The following PHACTR1 variants were observed in gnomAD, a reference collection of about 807,000 sequenced individuals.
PHACTR1 encodes phosphatase and actin regulator 1.
A neutral mutation model predicts 69.2 loss-of-function variants in PHACTR1; 16 were observed. The observed-to-expected ratio is 0.23, with a 90% confidence interval of 0.16 to 0.35. The LOEUF (loss-of-function observed/expected upper bound fraction) is 0.35. Among genes scored for constraint, PHACTR1 ranks in the 10% least tolerant of loss-of-function variants. The pLI is 1.00. For missense variants in PHACTR1, 510 were observed against 734.7 expected (o/e 0.69, Z 3.54); for synonymous variants, 312 against 284.5 (o/e 1.10, Z -0.97).
intron 8 of PHACTR1, among the ~76,000 whole-genome samples, chr6:13,225,841 AT>A (rs1769558353): frequency 6.6e-6 from 1 of 152,170 alleles, no homozygotes; most frequent in Non-Finnish European, 1.5e-5. Context: ...ATGGAATTAC[AT>A]TTTTTGGCCT....
chr6:13,200,806 T>C (rs1417806525), intron 7 of PHACTR1, among the ~76,000 whole-genome samples: 1 of 151,400 alleles, frequency 6.6e-6, no homozygotes, highest in Non-Finnish European at 1.5e-5. Flanking sequence ...CCAGGCATCA[T>C]GGCGGACACC....
chr6:12,998,868 C>T (rs2127619269), intron 4 of PHACTR1, among the ~76,000 whole-genome samples: 1 of 152,066 alleles, frequency 6.6e-6, no homozygotes, highest in African/African-American at 2.4e-5. Context: ...AATTTGTAGA[C>T]ACAGAAACCT....
intron 4 of PHACTR1, among the ~76,000 whole-genome samples, chr6:12,959,790 T>G (rs1032616885): frequency 2.6e-5 from 4 of 152,244 alleles, no homozygotes; most frequent in African/African-American, 9.6e-5. Context: ...TTGAGTGCAT[T>G]GCCTTCCACT....
Position 13,236,622 on chromosome 6 carries a change from G to A in PHACTR1, c.1391+6429G>A, listed in dbSNP as rs80037011. The stretch of plus-strand genomic sequence containing the variant: ...ATGCTCTCCCTCTGTGTGTATCTCT[G>A]TGTTCAGATTTCCCCTTTCTATAAG... On this transcript the variant is annotated intron_variant, in intron 10 of 14. Transcript: ENST00000332995. Among the ~76,000 whole-genome samples the A allele has an allele frequency of 3.9e-5, 6 of 152,138 alleles. No homozygotes were observed. In the East Asian group the frequency reaches 1.2e-3, roughly 29 times the overall value.
chr6:13,162,562 A>G lies in PHACTR1; in HGVS notation c.496+2278A>G, dbSNP rs778234766. Among the ~76,000 whole-genome samples, 16 of 152,188 alleles carry G rather than the reference A, an allele frequency of 1.1e-4. 1 individual carries two copies. The highest frequency in any genetic ancestry group is 2.2e-4 in the Non-Finnish European group (15 of 68,034). On this transcript the variant is annotated intron_variant, in intron 6 of 14. Coordinates refer to ENST00000332995, the MANE Select transcript of PHACTR1 (RefSeq NM_030948.6). ...TAAGCACCCGAGTGCTTAAATAAATATTATTGTTACAGCCAAAACTTGTTC... is the reference window on the plus strand; with the variant it reads ...TAAGCACCCGAGTGCTTAAATAAATGTTATTGTTACAGCCAAAACTTGTTC...
intron 10 of PHACTR1, among the ~76,000 whole-genome samples, chr6:13,238,964 C>T (rs1772413822): frequency 6.6e-6 from 1 of 152,214 alleles, no homozygotes; most frequent in African/African-American, 2.4e-5. Context: ...AGAGGCCATG[C>T]TTGTAGGCCT....
chr6:12,965,113 A>G (rs1258692063), intron 4 of PHACTR1, among the ~76,000 whole-genome samples: 1 of 152,210 alleles, frequency 6.6e-6, no homozygotes, highest in African/African-American at 2.4e-5. Flanking sequence ...CTATGTAAAT[A>G]GTTGTTATAC....
intron 4 of PHACTR1, among the ~76,000 whole-genome samples, chr6:12,807,992 C>T (rs1401384966): frequency 1.3e-5 from 2 of 152,286 alleles, no homozygotes. Flanking sequence ...GATTTACAGT[C>T]AGTAAGTGTA....
intron 4 of PHACTR1, among the ~76,000 whole-genome samples, chr6:12,886,256 T>C (rs1035884906): frequency 6.8e-3 from 59 of 8,642 alleles, no homozygotes; most frequent in African/African-American, 0.013. Flanking sequence ...GTTGTTTGAT[T>C]GTTAAAAAAA....
rs1452030765 is a variant in PHACTR1 at position 13,287,189 on chromosome 6, C to CT, written c.*119dup. 90 of 1,083,694 alleles carry CT rather than the reference C, an allele frequency of 8.3e-5. No homozygotes were observed. The highest frequency in any genetic ancestry group is 1.1e-4 in the South Asian group (7 of 64,008). The allele number at this position is 1,083,694 out of a possible 1,614,324, so 67.1% of individuals were successfully genotyped here. A position where few individuals can be genotyped will look rare whatever the true frequency, so the allele number is the denominator to read the frequency against. ...TTACGATGTAAATCTTCTGAACTGCCTTTTTTTTAAAAAGAAGAAAAATCA... is the reference window on the plus strand; with the variant it reads ...TTACGATGTAAATCTTCTGAACTGCCTTTTTTTTTAAAAAGAAGAAAAATCA... On this transcript the variant is annotated 3_prime_UTR_variant, in exon 15 of 15. Coordinates refer to ENST00000332995, the MANE Select transcript of PHACTR1 (RefSeq NM_030948.6).
chr6:13,258,097 C>T (rs1190184708), intron 10 of PHACTR1, among the ~76,000 whole-genome samples: 1 of 152,154 alleles, frequency 6.6e-6, no homozygotes, highest in Non-Finnish European at 1.5e-5. Flanking sequence ...GTGGCTCATG[C>T]CTGTAATCCT....
chr6:13,147,523 C>T (rs1183477099), intron 5 of PHACTR1, among the ~76,000 whole-genome samples: 7 of 152,208 alleles, frequency 4.6e-5, no homozygotes, highest in East Asian at 1.9e-4. Context: ...TTCAAGTTTC[C>T]GTCTTGCTCT....
At chr6:13,066,195 G>A (rs554166890) in intron 5 of PHACTR1, among the ~76,000 whole-genome samples, 24 of 152,142 alleles carry the variant, frequency 1.6e-4, no homozygotes, top group African/African-American at 4.1e-4. Context: ...CACTCTCTGC[G>A]TGTAAGTCCA....
chr6:13,135,253 G>A (rs1194895861), intron 5 of PHACTR1, among the ~76,000 whole-genome samples: 1 of 152,296 alleles, frequency 6.6e-6, no homozygotes, highest in African/African-American at 2.4e-5. Context: ...CACTGAATCC[G>A]GTAGGGCAGT....
intron 5 of PHACTR1, among the ~76,000 whole-genome samples, chr6:13,053,849 A>G (rs187977234): frequency 2.0e-5 from 3 of 152,300 alleles, no homozygotes; most frequent in Non-Finnish European, 2.9e-5. Flanking sequence ...TGATGCGTTT[A>G]TTATATTCAT....
intron 5 of PHACTR1, among the ~76,000 whole-genome samples, chr6:13,112,902 C>T (rs1817262050): frequency 6.6e-6 from 1 of 152,124 alleles, no homozygotes; most frequent in Non-Finnish European, 1.5e-5. Flanking sequence ...TCAGTTTTTA[C>T]ATGTGTTGCG....
At chr6:12,943,940 A>G (rs951036531) in intron 4 of PHACTR1, among the ~76,000 whole-genome samples, 1 of 152,262 alleles carries the variant, frequency 6.6e-6, no homozygotes, top group Admixed American at 6.5e-5. Flanking sequence ...CTGGAACAAT[A>G]GAAAAATAAT....
chr6:13,007,232 C>G (rs1157049894), intron 4 of PHACTR1, among the ~76,000 whole-genome samples: 1 of 152,094 alleles, frequency 6.6e-6, no homozygotes, highest in African/African-American at 2.4e-5. Flanking sequence ...TTAATAGCAC[C>G]TTTATGTTCT....
chr6:12,853,497 T>C (rs996308417), intron 4 of PHACTR1, among the ~76,000 whole-genome samples: 2 of 152,228 alleles, frequency 1.3e-5, no homozygotes, highest in African/African-American at 2.4e-5. Flanking sequence ...CAATTTATTC[T>C]GAATGAAGGG....
Sources: allele counts gnomAD v4.1 joint callset (sites outside exome capture counted in the v4.1 genomes callset), GRCh38; gene constraint gnomAD v4.1.1; transcripts MANE v1.5; gene names NCBI Gene and HGNC (gene_info 2026-07-23, HGNC 2026-07-21).